The following MYT1 variants were observed in gnomAD, a reference collection of about 807,000 sequenced individuals.
The protein encoded by MYT1 is myelin transcription factor 1.
Under a neutral mutation model 123.0 loss-of-function variants are expected in MYT1, and 23 were observed. The observed-to-expected ratio is 0.19, with a 90% CI of 0.13 to 0.26. The LOEUF (loss-of-function observed/expected upper bound fraction) is 0.26, where lower values mean the gene tolerates loss of function less well. Ranked by LOEUF, MYT1 falls within the 10% of genes least tolerant of loss-of-function variation. The pLI is 1.00. For synonymous variants in MYT1, 518 were observed against 575.3 expected (o/e 0.90, Z 1.43); for missense variants, 1,125 against 1,472.5 (o/e 0.76, Z 3.86).
intron 3 of MYT1, among the ~76,000 whole-genome samples, chr20:64,199,390 T>G (rs1328198143): frequency 6.6e-6 from 1 of 152,176 alleles, no homozygotes; most frequent in Non-Finnish European, 1.5e-5. Context: ...GGGCGGGGGC[T>G]TCCTCTTGTG....
intron 10 of MYT1, among the ~76,000 whole-genome samples, chr20:64,214,141 G>A (rs114803668): frequency 6.6e-6 from 1 of 152,242 alleles, no homozygotes; most frequent in Non-Finnish European, 1.5e-5. Context: ...AAGAGGGTGG[G>A]TGCAGGCTTT....
Position 64,219,886 on chromosome 20 carries a change from C to T in MYT1, c.2145C>T (p.Thr715=). 1 of 1,583,340 alleles carries T rather than the reference C, an allele frequency of 6.3e-7. No homozygotes were observed. Among genetic ancestry groups the T allele is most frequent in the Admixed American group, 1.8e-5 (1 of 54,284 alleles). ...CCAGCGCCCCCAGCAGCTCCATGAC[C>T]TCTCCCCAGTCCAGCCAGGCCTCCC... ...SSTSAPSSSM[T]SPQSSQASRQ... is the part of the protein sequence containing the mutation. Residue 715 remains threonine, a synonymous_variant, in exon 13 of 23, where the codon ACC becomes ACT. Coordinates refer to ENST00000328439, the MANE Select transcript of MYT1 (RefSeq NM_004535.3).
intron 8 of MYT1, 97 bp downstream of exon 8, chr20:64,211,437 G>A: frequency 3.9e-6 from 5 of 1,284,240 alleles, no homozygotes; most frequent in Non-Finnish European, 5.4e-6. Flanking sequence ...CCTGCCCAGG[G>A]CCATAACCTT....
At chr20:64,171,339 G>A (rs1399677753) in intron 1 of MYT1, among the ~76,000 whole-genome samples, 2 of 152,128 alleles carry the variant, frequency 1.3e-5, no homozygotes, top group African/African-American at 4.8e-5. Context: ...GAAAACAAAG[G>A]GATTTGTTAC....
chr20:64,238,401 A>G (rs1984613411), intron 21 of MYT1, among the ~76,000 whole-genome samples: 1 of 151,016 alleles, frequency 6.6e-6, no homozygotes, highest in Admixed American at 6.6e-5. Flanking sequence ...AAACAGGCTC[A>G]TGTTGACTCT....
chr20:64,223,917 T>G (rs1416867418), intron 16 of MYT1, among the ~76,000 whole-genome samples: 1 of 152,202 alleles, frequency 6.6e-6, no homozygotes, highest in East Asian at 1.9e-4. Context: ...CTCACCCGTT[T>G]CTGCTTCTGT....
intron 18 of MYT1, among the ~76,000 whole-genome samples, chr20:64,229,570 T>C (rs138146424): frequency 4.3e-4 from 66 of 152,248 alleles, no homozygotes; most frequent in African/African-American, 1.4e-3. Flanking sequence ...GAACCCTCCG[T>C]TTTACAGGGT....
intron 21 of MYT1, among the ~76,000 whole-genome samples, chr20:64,238,138 T>G (rs1358879210): frequency 6.6e-6 from 1 of 152,046 alleles, no homozygotes; most frequent in East Asian, 1.9e-4. Context: ...AAGATCTTAT[T>G]TTGAAAATAA....
chr20:64,213,462 C>A lies in MYT1; in HGVS notation c.1518-72C>A. 1.6e-6 allele frequency: 2 copies of A among 1,232,238 alleles called. No homozygotes were observed. The highest frequency in any genetic ancestry group is 2.4e-6 in the Non-Finnish European group (2 of 844,594). The allele number at this position is 1,232,238 out of a possible 1,614,324, so 76.3% of individuals were successfully genotyped here. On this transcript the variant is annotated intron_variant, in intron 9 of 22. Transcript: ENST00000328439. This position sits in a 1 kb window ranked among gnomAD's most constrained non-coding sequence, Gnocchi z 5.6. ...GAATGACCTTGCCGTGAGACACCCACACACACAGACACCCAGGACAGGACA... is the reference window on the plus strand; with the variant it reads ...GAATGACCTTGCCGTGAGACACCCAAACACACAGACACCCAGGACAGGACA...
intron 19 of MYT1, among the ~76,000 whole-genome samples, chr20:64,233,234 CTCCCTTCCCCT>C: frequency 1.7e-5 from 1 of 57,934 alleles, no homozygotes; most frequent in Non-Finnish European, 3.3e-5. Context: ...CTTCTTTCCC[CTCCCTTCCCCT>C]TCCCCTCCCC....
In MYT1 at chr20:64,218,797, G is replaced by T; in HGVS notation, c.1847-114G>T. Reference sequence around the variant, plus strand: ...CTGCATTGCTGCCTCTTTTCAAGTTGTATATCAGCCTGGTGTTGTTCCCTT... The same window carrying T: ...CTGCATTGCTGCCTCTTTTCAAGTTTTATATCAGCCTGGTGTTGTTCCCTT... On this transcript the variant is annotated intron_variant, in intron 11 of 22. Transcript: ENST00000328439. This position sits in a 1 kb window ranked among gnomAD's most constrained non-coding sequence, Gnocchi z 4.0. 3 of 1,337,930 alleles carry T rather than the reference G, an allele frequency of 2.2e-6. No homozygotes were observed. Among genetic ancestry groups the T allele is most frequent in the Admixed American group, 1.7e-5 (1 of 57,582 alleles). 82.9% of individuals were successfully genotyped at this position (1,337,930 alleles called of 1,614,324 possible).
At position 64,206,461 on chromosome 20, in the gene MYT1, C is replaced by T. The variant is rs565714028; in HGVS notation, c.397+661C>T. On this transcript the variant is annotated intron_variant, in intron 6 of 22. Transcript: ENST00000328439. ...AGCAGGTGCTTTGGCCCCTGGGTCC[C>T]GGAGGGAGGGGTCTGTGCCCCTGAG... Among the ~76,000 whole-genome samples the T allele has an allele frequency of 7.9e-5, 12 of 152,260 alleles. No individual in the cohort carries two copies. In the South Asian group the frequency reaches 1.2e-3, roughly 16 times the overall value.
chr20:64,188,567 G>A (rs1188921649), intron 1 of MYT1, among the ~76,000 whole-genome samples: 2 of 152,170 alleles, frequency 1.3e-5, no homozygotes, highest in African/African-American at 4.8e-5. Flanking sequence ...AAAGTGTGAA[G>A]CACACTCCCC....
rs187268024 is a variant in MYT1, at chr20:64,218,289, G to T, written c.1847-622G>T. 6.6e-6 allele frequency among the ~76,000 whole-genome samples: 1 copy of T among 152,360 alleles called. No individual in the cohort carries two copies. The highest frequency in any genetic ancestry group is 1.9e-4 in the East Asian group (1 of 5,192). On this transcript the variant is annotated intron_variant, in intron 11 of 22. Coordinates refer to ENST00000328439, the MANE Select transcript of MYT1 (RefSeq NM_004535.3). The surrounding 1 kb of genome is among the most constrained non-coding windows in gnomAD (Gnocchi z 4.0). ...ACATCGTGATTGCTGAGAACATCGT[G>T]CATGAGAGTGATTTTGCAGCTACAG...
rs1159529836 is a variant in MYT1 at position 64,190,942 on chromosome 20, C to G, written c.-1+782C>G. ...CAAGATTGTGCCACTGCACTCCAGC[C>G]TGGGTGACAGAGCAAGACTCCATCT... On this transcript the variant is annotated intron_variant, in intron 2 of 22. Coordinates refer to ENST00000328439, the MANE Select transcript of MYT1 (RefSeq NM_004535.3). This position sits in a 1 kb window ranked among gnomAD's most constrained non-coding sequence, Gnocchi z 4.1. Among the ~76,000 whole-genome samples, 5 of 152,220 alleles carry G rather than the reference C, an allele frequency of 3.3e-5. No individual in the cohort carries two copies. Among genetic ancestry groups the G allele is most frequent in the Non-Finnish European group, 7.3e-5 (5 of 68,038 alleles).
chr20:64,207,458 T>C, intron 6 of MYT1, 136 bp from the exon 7 acceptor site: 2 of 1,463,974 alleles, frequency 1.4e-6, no homozygotes, highest in Non-Finnish European at 1.8e-6. Context: ...CTTCTGGAGT[T>C]TCATGTTTCC....
In MYT1 at chr20:64,218,168, T is replaced by G. The variant is rs191599; in HGVS notation, c.1847-743T>G. Among the ~76,000 whole-genome samples the G allele has an allele frequency of 0.13, 20,480 of 152,254 alleles. 1,702 individuals are homozygous for G. Among genetic ancestry groups the G allele is most frequent in the African/African-American group, 0.23 (9,611 of 41,524 alleles). On this transcript the variant is annotated intron_variant, in intron 11 of 22. Transcript: ENST00000328439. This position sits in a 1 kb window ranked among gnomAD's most constrained non-coding sequence, Gnocchi z 4.0. ...AGGACTTCCTGCCTCCAGGCACACATGCCTACTTGGATGAGGGAATGCAAT... is the reference window on the plus strand; with the variant it reads ...AGGACTTCCTGCCTCCAGGCACACAGGCCTACTTGGATGAGGGAATGCAAT...
Position 64,164,486 on chromosome 20 carries a change from G to C in MYT1, c.-352G>C, listed in dbSNP as rs1312262887. ...ACAAAGGAGCCTCCTCCGCCAGCCC[G>C]TGCCACCGCTGCTAATGAGAGCAGT... On this transcript the variant is annotated 5_prime_UTR_variant, in exon 1 of 23. Transcript: ENST00000328439. 2 of 152,132 alleles carry C rather than the reference G, an allele frequency of 1.3e-5. No homozygotes were observed. The highest frequency in any genetic ancestry group is 2.9e-5 in the Non-Finnish European group (2 of 68,036). The allele number at this position is 152,132 out of a possible 1,614,324, so 9.4% of individuals were successfully genotyped here.
Position 64,167,700 on chromosome 20 carries a change from C to T in MYT1, c.-99+2961C>T, listed in dbSNP as rs886517651. Among the ~76,000 whole-genome samples, 37 of 152,178 alleles carry T rather than the reference C, an allele frequency of 2.4e-4. No individual in the cohort carries two copies. The highest frequency in any genetic ancestry group is 1.3e-4 in the Admixed American group (2 of 15,278). On this transcript the variant is annotated intron_variant, in intron 1 of 22. Transcript: ENST00000328439. This position sits in a 1 kb window ranked among gnomAD's most constrained non-coding sequence, Gnocchi z 6.3. ...GGGCGGGAGAGTGGAGCAGGGTGCC[C>T]GCAGGGGCTGGGGGGGCTCTTCTCT...
Sources: gnomAD v4.1 joint callset for allele counts (sites outside exome capture counted in the v4.1 genomes callset) on GRCh38, gnomAD v4.1.1 for gene constraint, Gnocchi (gnomAD v3.1) non-coding constraint, MANE v1.5 for transcripts, NCBI Gene and HGNC (gene_info 2026-07-23, HGNC 2026-07-21) for gene names.